The following GRM7 variants were observed in gnomAD, a reference collection of about 807,000 sequenced individuals.
GRM7 encodes the protein glutamate metabotropic receptor 7.
Under a neutral mutation model 84.5 loss-of-function variants are expected in GRM7, and 35 were observed. That is an observed-to-expected ratio of 0.41 (90% CI 0.32 to 0.55). GRM7 has a LOEUF of 0.55. GRM7 is among the 20% of genes least tolerant of loss of function. The probability of loss-of-function intolerance (pLI) is 0.19; values close to 1 mark genes in which losing one functional copy is unlikely to be tolerated. For synonymous variants in GRM7, 487 were observed against 455.1 expected (o/e 1.07, Z -0.89); for missense variants, 1,003 against 1,194.6 (o/e 0.84, Z 2.36).
intron 7 of GRM7, chr3:7,561,666 C>A: frequency 2.4e-6 from 1 of 411,430 alleles, no homozygotes; most frequent in South Asian, 1.7e-5. Flanking sequence ...GATAAGCACT[C>A]TATTTGTCTA....
intron 6 of GRM7, among the ~76,000 whole-genome samples, chr3:7,453,592 TGAGA>T (rs1312229406): frequency 6.6e-6 from 1 of 152,158 alleles, no homozygotes; most frequent in East Asian, 1.9e-4. Flanking sequence ...GAAAGGGTCC[TGAGA>T]GTAGGAGTTT....
At position 7,703,342 on chromosome 3, in the gene GRM7, A is replaced by G. The variant is rs146647531; in HGVS notation, c.2698+23047A>G. Among the ~76,000 whole-genome samples the G allele has an allele frequency of 5.3e-3, 812 of 152,284 alleles. 8 individuals carry two copies. The highest frequency in any genetic ancestry group is 0.017 in the African/African-American group (704 of 41,560). On this transcript the variant is annotated intron_variant, in intron 9 of 9. Coordinates refer to ENST00000357716, the MANE Select transcript of GRM7 (RefSeq NM_000844.4). The stretch of plus-strand genomic sequence containing the variant: ...CAACCCCCCCAAGTAAGTCCGATGC[A>G]TGCTACTGTAAGTTCTTTCTTAAGA...
chr3:6,990,542 G>A (rs1694595898), intron 1 of GRM7, among the ~76,000 whole-genome samples: 1 of 152,148 alleles, frequency 6.6e-6, no homozygotes, highest in African/African-American at 2.4e-5. Context: ...GAGGGAGAGG[G>A]TTTCATGGAC....
At chr3:7,375,378 C>T (rs1694306638) in intron 4 of GRM7, among the ~76,000 whole-genome samples, 1 of 151,992 alleles carries the variant, frequency 6.6e-6, no homozygotes, top group Admixed American at 6.6e-5. Flanking sequence ...GCTTCCATGC[C>T]CCGCTAATTT....
chr3:7,300,069 T>C (rs982893873), intron 3 of GRM7, among the ~76,000 whole-genome samples: 1 of 152,088 alleles, frequency 6.6e-6, no homozygotes. Context: ...CTTAAAAATA[T>C]ATAAATATTG....
At chr3:7,123,529 G>T (rs1450690995) in intron 1 of GRM7, among the ~76,000 whole-genome samples, 3 of 152,088 alleles carry the variant, frequency 2.0e-5, no homozygotes, top group Admixed American at 2.0e-4. Context: ...TGAGGCAGGA[G>T]AATCGCTTGA....
chr3:7,120,881 A>G (rs949118729), intron 1 of GRM7, among the ~76,000 whole-genome samples: 1 of 152,168 alleles, frequency 6.6e-6, no homozygotes, highest in Admixed American at 6.6e-5. Flanking sequence ...AATTCAAGTT[A>G]AAGGGAATCC....
chr3:6,883,568 A>G (rs1695587880), intron 1 of GRM7, among the ~76,000 whole-genome samples: 1 of 152,206 alleles, frequency 6.6e-6, no homozygotes, highest in African/African-American at 2.4e-5. Flanking sequence ...TATATGGCAC[A>G]TAGGGTGTAT....
At chr3:7,332,469 A>G (rs1701246268) in intron 4 of GRM7, among the ~76,000 whole-genome samples, 1 of 152,166 alleles carries the variant, frequency 6.6e-6, no homozygotes, top group African/African-American at 2.4e-5. Context: ...ATACATACAT[A>G]AGCTTTGAAA....
At chr3:7,102,760 G>C (rs1466535731) in intron 1 of GRM7, among the ~76,000 whole-genome samples, 1 of 151,582 alleles carries the variant, frequency 6.6e-6, no homozygotes, top group Non-Finnish European at 1.5e-5. Flanking sequence ...GGTCTTCTTT[G>C]ACATTGAATA....
chr3:7,064,346 A>G (rs1697548149), intron 1 of GRM7, among the ~76,000 whole-genome samples: 1 of 150,174 alleles, frequency 6.7e-6, no homozygotes, highest in South Asian at 2.1e-4. Flanking sequence ...TTGGTTTTCC[A>G]TTGCTGAGTT....
At chr3:7,123,778 A>C (rs755822474) in intron 1 of GRM7, among the ~76,000 whole-genome samples, 8 of 152,156 alleles carry the variant, frequency 5.3e-5, no homozygotes, top group Non-Finnish European at 1.2e-4. Flanking sequence ...ATGCTTCTAA[A>C]AGAACAATAT....
intron 1 of GRM7, among the ~76,000 whole-genome samples, chr3:6,920,961 C>T (rs1054337573): frequency 6.6e-6 from 1 of 152,162 alleles, no homozygotes; most frequent in Non-Finnish European, 1.5e-5. Flanking sequence ...ATTATCAGAA[C>T]CTTAGAGAAA....
intron 9 of GRM7, among the ~76,000 whole-genome samples, chr3:7,698,966 T>C (rs1701120871): frequency 6.6e-6 from 1 of 152,274 alleles, no homozygotes; most frequent in African/African-American, 2.4e-5. Flanking sequence ...AAAGATAATA[T>C]GCAGAAACAC....
At chr3:7,592,606 A>C (rs1193067949) in intron 8 of GRM7, among the ~76,000 whole-genome samples, 2 of 152,190 alleles carry the variant, frequency 1.3e-5, no homozygotes, top group Non-Finnish European at 2.9e-5. Context: ...GCACAGCATG[A>C]TCTGACAGAT....
intron 7 of GRM7, among the ~76,000 whole-genome samples, chr3:7,500,546 C>A (rs1469418534): frequency 6.6e-6 from 1 of 152,146 alleles, no homozygotes; most frequent in Admixed American, 6.5e-5. Flanking sequence ...GTTTGGTTGC[C>A]CAGAGGCCTG....
intron 1 of GRM7, among the ~76,000 whole-genome samples, chr3:6,894,400 T>G (rs923527709): frequency 6.6e-6 from 1 of 152,164 alleles, no homozygotes; most frequent in Non-Finnish European, 1.5e-5. Context: ...TTCTAGCTAA[T>G]GAAACATGAT....
At chr3:7,667,295 A>T (rs1699743977) in intron 8 of GRM7, among the ~76,000 whole-genome samples, 1 of 150,538 alleles carries the variant, frequency 6.6e-6, no homozygotes, top group Non-Finnish European at 1.5e-5. Context: ...AGAGAGAGAG[A>T]GAGAAAAGAT....
chr3:7,699,744 C>A (rs1559495523), intron 9 of GRM7, among the ~76,000 whole-genome samples: 1 of 152,036 alleles, frequency 6.6e-6, no homozygotes, highest in East Asian at 1.9e-4. Flanking sequence ...GAATCTAGTG[C>A]AGTTCCAAGC....
Sources: gnomAD v4.1 joint callset for allele counts (sites outside exome capture counted in the v4.1 genomes callset) on GRCh38, gnomAD v4.1.1 for gene constraint, MANE v1.5 for transcripts, NCBI Gene and HGNC (gene_info 2026-07-23, HGNC 2026-07-21) for gene names.